The following MARCHF1 variants were observed in gnomAD, a reference collection of about 807,000 sequenced individuals.
MARCHF1 encodes membrane associated ring-CH-type finger 1.
A neutral mutation model predicts 54.2 loss-of-function variants in MARCHF1; 40 were observed. That is an observed-to-expected ratio of 0.74 (90% CI 0.57 to 0.96). The LOEUF (loss-of-function observed/expected upper bound fraction) is 0.96. Ranked by LOEUF, MARCHF1 falls within the 40% of genes least tolerant of loss-of-function variation. The pLI, the probability that MARCHF1 is intolerant of heterozygous loss-of-function variation, is 0.00. For missense variants in MARCHF1, 586 were observed against 656.5 expected (o/e 0.89, Z 1.17); for synonymous variants, 236 against 236.3 (o/e 1.00, Z 0.01).
intron 4 of MARCHF1, among the ~76,000 whole-genome samples, chr4:163,847,326 T>G (rs1749512853): frequency 6.6e-6 from 1 of 152,174 alleles, no homozygotes; most frequent in African/African-American, 2.4e-5. Context: ...GCTGCTTGTT[T>G]TATTAATACT....
chr4:164,212,748 T>C (rs1731812986), intron 1 of MARCHF1, among the ~76,000 whole-genome samples: 1 of 152,120 alleles, frequency 6.6e-6, no homozygotes, highest in Non-Finnish European at 1.5e-5. Context: ...CAAGGTTGGT[T>C]GAATCCAAGA....
At chr4:164,334,515 C>T (rs1729676076) in intron 1 of MARCHF1, among the ~76,000 whole-genome samples, 2 of 138,214 alleles carry the variant, frequency 1.4e-5, no homozygotes, top group Admixed American at 1.4e-4. Context: ...CTGTTGAGAC[C>T]TACTGCTCAG....
intron 5 of MARCHF1, among the ~76,000 whole-genome samples, chr4:163,643,223 G>A (rs1742623638): frequency 6.6e-6 from 1 of 151,952 alleles, no homozygotes; most frequent in South Asian, 2.1e-4. Context: ...AGCTACTCGG[G>A]AGGCTGAGGC....
chr4:163,974,910 C>T (rs1752618769), intron 3 of MARCHF1, among the ~76,000 whole-genome samples: 1 of 152,200 alleles, frequency 6.6e-6, no homozygotes, highest in South Asian at 2.1e-4. Context: ...ATATGAGTGG[C>T]CCTCATCCAA....
intron 1 of MARCHF1, among the ~76,000 whole-genome samples, chr4:164,356,029 T>C (rs951949933): frequency 1.5e-5 from 2 of 134,902 alleles, no homozygotes; most frequent in African/African-American, 5.2e-5. Context: ...TCACCATCAC[T>C]GGCCATCAGA....
chr4:164,259,529 A>C (rs1217668976), intron 1 of MARCHF1, among the ~76,000 whole-genome samples: 1 of 124,048 alleles, frequency 8.1e-6, no homozygotes, highest in African/African-American at 3.0e-5. Context: ...TGGGCAACAA[A>C]GTGGGACCGT....
intron 1 of MARCHF1, among the ~76,000 whole-genome samples, chr4:164,337,814 A>G (rs1286832501): frequency 1.3e-5 from 2 of 152,148 alleles, no homozygotes; most frequent in African/African-American, 4.8e-5. Flanking sequence ...AAGCATGCCA[A>G]TGCATCACCC....
At chr4:164,293,006 C>A (rs968402926) in intron 1 of MARCHF1, among the ~76,000 whole-genome samples, 1 of 152,038 alleles carries the variant, frequency 6.6e-6, no homozygotes, top group Non-Finnish European at 1.5e-5. Context: ...TTAACAACAC[C>A]CATGAAAGTC....
intron 1 of MARCHF1, among the ~76,000 whole-genome samples, chr4:164,151,527 A>T (rs1202427059): frequency 6.6e-6 from 1 of 152,112 alleles, no homozygotes; most frequent in Non-Finnish European, 1.5e-5. Context: ...GTCTCAGACT[A>T]AAGAAATTGT....
intron 3 of MARCHF1, among the ~76,000 whole-genome samples, chr4:163,899,720 C>G (rs1481856872): frequency 6.6e-6 from 1 of 151,120 alleles, no homozygotes; most frequent in Admixed American, 6.6e-5. Flanking sequence ...TAATGAATAG[C>G]CCAAACAACG....
chr4:164,086,680 A>T (rs1755198632), intron 2 of MARCHF1, among the ~76,000 whole-genome samples: 1 of 151,986 alleles, frequency 6.6e-6, no homozygotes, highest in Admixed American at 6.6e-5. Context: ...AATAAACCAT[A>T]CTCTACTTCA....
At chr4:164,259,244 A>G (rs1358962583) in intron 1 of MARCHF1, among the ~76,000 whole-genome samples, 1 of 152,104 alleles carries the variant, frequency 6.6e-6, no homozygotes, top group Non-Finnish European at 1.5e-5. Context: ...ATTAATTCAG[A>G]AGTATAGCCA....
chr4:164,185,125 T>C (rs1198306894), intron 1 of MARCHF1, among the ~76,000 whole-genome samples: 1 of 152,182 alleles, frequency 6.6e-6, no homozygotes, highest in Non-Finnish European at 1.5e-5. Flanking sequence ...CAAAATTCTT[T>C]AAGAATTATA....
chr4:164,326,956 A>AG (rs1561003644), intron 1 of MARCHF1, among the ~76,000 whole-genome samples: 4 of 73,226 alleles, frequency 5.5e-5, no homozygotes, highest in East Asian at 5.6e-4. Context: ...TGTTGTAAGG[A>AG]TTGTGTGTGT....
At chr4:164,322,830 T>G (rs1321615775) in intron 1 of MARCHF1, among the ~76,000 whole-genome samples, 1 of 151,942 alleles carries the variant, frequency 6.6e-6, no homozygotes, top group African/African-American at 2.4e-5. Context: ...AACTTTAAGT[T>G]TACCTACACA....
chr4:163,895,067 A>ATGCATGTGATGCATATATATG (rs1479563009), intron 3 of MARCHF1, among the ~76,000 whole-genome samples: 14 of 152,018 alleles, frequency 9.2e-5, no homozygotes, highest in East Asian at 1.9e-4. Context: ...ATGCATAAAT[A>ATGCATGTGATGCATATATATG]TGCATGTGAT....
intron 2 of MARCHF1, among the ~76,000 whole-genome samples, chr4:164,083,075 C>A (rs1388205767): frequency 1.3e-5 from 2 of 152,084 alleles, no homozygotes; most frequent in African/African-American, 4.8e-5. Context: ...ACCCATGTAC[C>A]ACTCTTCATT....
chr4:163,847,151 C>T (rs1222468750), intron 4 of MARCHF1, among the ~76,000 whole-genome samples: 1 of 152,088 alleles, frequency 6.6e-6, no homozygotes, highest in Non-Finnish European at 1.5e-5. Context: ...GATAAGATTC[C>T]TCAATTAAAA....
rs1749712335 is a variant in MARCHF1, at chr4:163,854,295, G to A, written c.-38-126C>T. 2.0e-5 allele frequency: 13 copies of A among 650,716 alleles called. No homozygotes were observed. The East Asian group carries it at 3.0e-4, about 15-fold the overall frequency. 40.3% of individuals were successfully genotyped at this position (650,716 alleles called of 1,614,324 possible). A position where few individuals can be genotyped will look rare whatever the true frequency, so the allele number is the denominator to read the frequency against. ...ATTGAGACTTTTTTAAAAAAACCAG[G>A]GGTTACAAGGAGGAAAAGAAGAATA... On this transcript the variant is annotated intron_variant, in intron 3 of 9. Transcript: ENST00000514618.
Sources: allele counts gnomAD v4.1 joint callset (sites outside exome capture counted in the v4.1 genomes callset), GRCh38; gene constraint gnomAD v4.1.1; transcripts MANE v1.5; gene names NCBI Gene and HGNC (gene_info 2026-07-23, HGNC 2026-07-21).